GALNT13: variants seen among roughly 807,000 people sequenced by gnomAD.
The protein encoded by GALNT13 is UDP-GalNAc:polypeptide N-acetylgalactosaminyltransferase 13.
GALNT13 carries 28 observed loss-of-function variants against 64.2 expected under a neutral mutation model. That is an observed-to-expected ratio of 0.44 (90% CI 0.32 to 0.60). The LOEUF is 0.60. Ranked by LOEUF, GALNT13 falls within the 20% of genes least tolerant of loss-of-function variation. GALNT13 has a pLI of 0.05. For missense variants in GALNT13, 577 were observed against 669.8 expected (o/e 0.86, Z 1.53); for synonymous variants, 214 against 224.6 (o/e 0.95, Z 0.42).
the GALNT13 span, among the ~76,000 whole-genome samples, chr2:153,524,787 G>A: frequency 6.6e-6 from 1 of 152,124 alleles, no homozygotes; most frequent in Non-Finnish European, 1.5e-5. Context: ...GGAGCTCTGG[G>A]GCTCTAAATA....
chr2:153,814,497 A>G, the GALNT13 span, among the ~76,000 whole-genome samples: 24 of 151,092 alleles, frequency 1.6e-4, no homozygotes, highest in Middle Eastern at 6.9e-3. Context: ...AAATAAATAA[A>G]TAAATAAATA....
At chr2:154,279,612 G>T (rs1364078932) in intron 8 of GALNT13, among the ~76,000 whole-genome samples, 1 of 152,052 alleles carries the variant, frequency 6.6e-6, no homozygotes, top group Non-Finnish European at 1.5e-5. Flanking sequence ...TGAAGTACTA[G>T]TGTACCAAGG....
chr2:153,964,246 T>G (rs1574220390), intron 3 of GALNT13, among the ~76,000 whole-genome samples: 1 of 152,090 alleles, frequency 6.6e-6, no homozygotes, highest in Non-Finnish European at 1.5e-5. Context: ...CTCAGGAGTT[T>G]GAGACCAACC....
At position 154,081,914 on chromosome 2, in the gene GALNT13, A is replaced by T. The variant is rs920597376; in HGVS notation, c.143-58423A>T. 4.6e-5 allele frequency among the ~76,000 whole-genome samples: 7 copies of T among 151,858 alleles called. No individual in the cohort carries two copies. The Admixed American group carries it at 4.6e-4, about 10-fold the overall frequency. On this transcript the variant is annotated intron_variant, in intron 3 of 12. Coordinates refer to ENST00000392825, the MANE Select transcript of GALNT13 (RefSeq NM_052917.4). The stretch of plus-strand genomic sequence containing the variant: ...TAGGCTCTAATTCAAGCAATTTCCT[A>T]TCCATACAACCAATAGATTCTTCAA...
chr2:154,312,805 C>T (rs1694120056), intron 9 of GALNT13, among the ~76,000 whole-genome samples: 1 of 152,064 alleles, frequency 6.6e-6, no homozygotes, highest in Admixed American at 6.6e-5. Context: ...GGGCCATAAC[C>T]ATGAACAGAA....
At chr2:154,174,606 T>C (rs1374529120) in intron 4 of GALNT13, among the ~76,000 whole-genome samples, 1 of 152,156 alleles carries the variant, frequency 6.6e-6, no homozygotes, top group Non-Finnish European at 1.5e-5. Context: ...TTAAGCAAGA[T>C]GAGTTTTGGA....
the GALNT13 span, among the ~76,000 whole-genome samples, chr2:153,646,394 A>G: frequency 1.3e-5 from 2 of 151,574 alleles, no homozygotes; most frequent in South Asian, 2.1e-4. Context: ...AGCAACTAAG[A>G]TAAAACAATT....
the GALNT13 span, among the ~76,000 whole-genome samples, chr2:153,561,816 TG>T: frequency 1.3e-5 from 2 of 152,142 alleles, no homozygotes; most frequent in Non-Finnish European, 2.9e-5. Context: ...ACTTTTGAAT[TG>T]GAGTAATACA....
chr2:153,301,488 G>C, the GALNT13 span, among the ~76,000 whole-genome samples: 2 of 151,810 alleles, frequency 1.3e-5, no homozygotes, highest in Non-Finnish European at 2.9e-5. Context: ...TTGTGAAATG[G>C]CTAATTCAAG....
the GALNT13 span, among the ~76,000 whole-genome samples, chr2:153,188,874 G>A: frequency 1.3e-5 from 2 of 152,096 alleles, no homozygotes; most frequent in South Asian, 2.1e-4. Context: ...TGGAGAACAT[G>A]TGATACTTTG....
At chr2:153,342,796 C>T in the GALNT13 span, among the ~76,000 whole-genome samples, 1 of 152,148 alleles carries the variant, frequency 6.6e-6, no homozygotes, top group African/African-American at 2.4e-5. Context: ...CTTAGTGTGC[C>T]TCTGTCATTT....
chr2:154,288,725 C>A (rs577221225), intron 8 of GALNT13, among the ~76,000 whole-genome samples: 1 of 152,208 alleles, frequency 6.6e-6, no homozygotes, highest in Non-Finnish European at 1.5e-5. Context: ...ACATCCAGGT[C>A]TTGCTGATGC....
chr2:153,280,668 TA>T, the GALNT13 span, among the ~76,000 whole-genome samples: 2 of 152,188 alleles, frequency 1.3e-5, no homozygotes, highest in African/African-American at 4.8e-5. Context: ...ATAATTGTTT[TA>T]CTTTCAGTGA....
chr2:154,230,786 C>A (rs1688874658), intron 4 of GALNT13, among the ~76,000 whole-genome samples: 1 of 152,064 alleles, frequency 6.6e-6, no homozygotes, highest in African/African-American at 2.4e-5. Context: ...GAGAGCCATG[C>A]AAGATTTATT....
the GALNT13 span, among the ~76,000 whole-genome samples, chr2:153,331,089 A>G: frequency 2.6e-5 from 4 of 152,160 alleles, no homozygotes; most frequent in Non-Finnish European, 4.4e-5. Flanking sequence ...TGATTTGCAT[A>G]TATTGAACCA....
In GALNT13 at chr2:154,226,577, TTTTAA is replaced by T. The variant is rs574028170; in HGVS notation, c.312-15450_312-15446del. On this transcript the variant is annotated intron_variant, in intron 4 of 12. Transcript: ENST00000392825. ...AGAGAAATTTATGATGCATATAATC[TTTTAA>T]TTGACACTTAATTTAGCAGCAATTA... Among the ~76,000 whole-genome samples, 572 of 152,280 alleles carry T rather than the reference TTTTAA, an allele frequency of 3.8e-3. 3 individuals carry two copies. Among genetic ancestry groups the T allele is most frequent in the South Asian group, 7.0e-3 (34 of 4,828 alleles).
At chr2:153,551,263 C>T in the GALNT13 span, among the ~76,000 whole-genome samples, 20 of 152,136 alleles carry the variant, frequency 1.3e-4, no homozygotes, top group African/African-American at 2.7e-4. Flanking sequence ...CACACTCCTA[C>T]GTTTGGGCAG....
intron 3 of GALNT13, among the ~76,000 whole-genome samples, chr2:154,060,620 G>A (rs527981574): frequency 1.4e-3 from 215 of 152,214 alleles, no homozygotes; most frequent in African/African-American, 5.1e-3. Context: ...GGCTCCCAAA[G>A]TGCTGGGACC....
At chr2:154,389,728 G>A (rs1323801082) in intron 9 of GALNT13, among the ~76,000 whole-genome samples, 1 of 152,140 alleles carries the variant, frequency 6.6e-6, no homozygotes, top group African/African-American at 2.4e-5. Context: ...GGCTTTAACT[G>A]GGTGCTGCAA....
Sources: allele counts gnomAD v4.1 joint callset (sites outside exome capture counted in the v4.1 genomes callset), GRCh38; gene constraint gnomAD v4.1.1; transcripts MANE v1.5; gene names NCBI Gene and HGNC (gene_info 2026-07-23, HGNC 2026-07-21).